Variants in PXDNL observed in about 807,000 individuals in gnomAD.
The protein encoded by PXDNL is peroxidasin like.
A neutral mutation model predicts 150.8 loss-of-function variants in PXDNL; 145 were observed. The observed-to-expected ratio is 0.96, with a 90% confidence interval of 0.84 to 1.10. The LOEUF (loss-of-function observed/expected upper bound fraction) is 1.10. Ranked by LOEUF, PXDNL falls within the 50% of genes least tolerant of loss-of-function variation. PXDNL has a pLI of 0.00. For missense variants in PXDNL, 2,087 were observed against 1,873.9 expected (o/e 1.11, Z -2.10); for synonymous variants, 757 against 725.7 (o/e 1.04, Z -0.69).
intron 17 of PXDNL, among the ~76,000 whole-genome samples, chr8:51,381,807 C>T (rs1212337740): frequency 6.6e-6 from 1 of 150,874 alleles, no homozygotes; most frequent in Non-Finnish European, 1.5e-5. Context: ...CACCCGTCCC[C>T]ACGCCCAGCT....
At chr8:51,733,812 AATAT>A (rs9298461) in intron 1 of PXDNL, among the ~76,000 whole-genome samples, 95 of 138,210 alleles carry the variant, frequency 6.9e-4, no homozygotes, top group African/African-American at 1.4e-3. Context: ...TGTCTCAAAT[AATAT>A]ATATATATAT....
chr8:51,654,850 A>G (rs1002237198), intron 1 of PXDNL, 90 bp from the exon 2 acceptor site: 1 of 924,686 alleles, frequency 1.1e-6, no homozygotes, highest in African/African-American at 1.6e-5. Context: ...ATCTCCTTTT[A>G]TGATCAAACA....
chr8:51,408,072 C>G lies in PXDNL; in HGVS notation c.3552G>C (p.Leu1184=), dbSNP rs1275167714. The change falls in exon 17 of 23, where the codon CTG becomes CTC. Residue 1184 remains leucine (L), a synonymous_variant. Coordinates refer to ENST00000356297, the MANE Select transcript of PXDNL (RefSeq NM_144651.5). Reference sequence around the variant, plus strand: ...GGCAGCATTTGCATACTTACTTTCTCAGTTTTTGTCTAATCTCTGAATCTT... The same window carrying G: ...GGCAGCATTTGCATACTTACTTTCTGAGTTTTTGTCTAATCTCTGAATCTT... The part of the protein sequence containing the change: ...EIKDSEIRQK[L]RKLYGSPGDI... 5 of 1,599,526 alleles carry G rather than the reference C, an allele frequency of 3.1e-6. No homozygotes were observed. Among genetic ancestry groups the G allele is most frequent in the Admixed American group, 1.8e-5 (1 of 56,946 alleles).
chr8:51,425,420 A>G (rs375614927), intron 13 of PXDNL, among the ~76,000 whole-genome samples: 2 of 152,236 alleles, frequency 1.3e-5, no homozygotes, highest in Non-Finnish European at 2.9e-5. Context: ...ATAATGATGC[A>G]TGTCGTACAG....
chr8:51,533,612 G>C (rs1475118576), intron 4 of PXDNL, among the ~76,000 whole-genome samples: 3 of 149,422 alleles, frequency 2.0e-5, no homozygotes, highest in Non-Finnish European at 3.0e-5. Flanking sequence ...TCCTGCCTCA[G>C]CCTGCCGAGT....
intron 1 of PXDNL, among the ~76,000 whole-genome samples, chr8:51,779,205 C>T (rs745638590): frequency 2.6e-5 from 4 of 152,198 alleles, no homozygotes; most frequent in Non-Finnish European, 5.9e-5. Context: ...TACACAAGCT[C>T]TGTGTGATTA....
chr8:51,413,121 G>A, intron 15 of PXDNL, 29 bp downstream of exon 15: 1 of 1,299,802 alleles, frequency 7.7e-7, no homozygotes, highest in Non-Finnish European at 1.1e-6. Context: ...TGAAAACAAG[G>A]TTTCAATCTG....
rs190941308 is a variant in PXDNL at position 51,333,268 on chromosome 8, A to G, written c.4146+6356T>C. On this transcript the variant is annotated intron_variant, in intron 21 of 22. Transcript: ENST00000356297. ...ACATATATGAAGGAAAGATACAGTC[A>G]TTTTCAGGCAAACAAATGCTGAATT... Among the ~76,000 whole-genome samples the G allele has an allele frequency of 6.5e-3, 945 of 145,876 alleles. 6 individuals carry two copies. The highest frequency in any genetic ancestry group is 0.011 in the Non-Finnish European group (735 of 66,168).
chr8:51,585,704 C>T (rs1269303332), intron 3 of PXDNL, among the ~76,000 whole-genome samples: 2 of 152,094 alleles, frequency 1.3e-5, no homozygotes, highest in Non-Finnish European at 2.9e-5. Context: ...TGATTCGGTC[C>T]TTGTCAAACT....
intron 1 of PXDNL, among the ~76,000 whole-genome samples, chr8:51,764,945 T>G (rs2037211469): frequency 6.6e-6 from 1 of 152,234 alleles, no homozygotes; most frequent in African/African-American, 2.4e-5. Context: ...TAATCTGTTT[T>G]TGTTGCATGT....
At chr8:51,494,930 C>G (rs1157986070) in intron 5 of PXDNL, among the ~76,000 whole-genome samples, 1 of 151,990 alleles carries the variant, frequency 6.6e-6, no homozygotes, top group Non-Finnish European at 1.5e-5. Context: ...CCAAGCAGAC[C>G]TAATAGACAT....
intron 9 of PXDNL, among the ~76,000 whole-genome samples, chr8:51,454,125 G>C (rs1335387996): frequency 6.6e-6 from 1 of 152,022 alleles, no homozygotes; most frequent in Non-Finnish European, 1.5e-5. Context: ...TTTAAACACA[G>C]TTTAGGCACA....
chr8:51,367,748 A>G (rs1806965751), intron 19 of PXDNL, among the ~76,000 whole-genome samples: 1 of 152,224 alleles, frequency 6.6e-6, no homozygotes, highest in Non-Finnish European at 1.5e-5. Flanking sequence ...ACGACAATGG[A>G]TTTAGTTAAG....
chr8:51,438,421 A>T (rs1277721138), intron 12 of PXDNL, among the ~76,000 whole-genome samples: 1 of 152,226 alleles, frequency 6.6e-6, no homozygotes, highest in Non-Finnish European at 1.5e-5. Flanking sequence ...CTATACTATA[A>T]GGTCATAGTC....
chr8:51,397,929 C>T (rs548536804), intron 17 of PXDNL, among the ~76,000 whole-genome samples: 7 of 151,970 alleles, frequency 4.6e-5, no homozygotes, highest in African/African-American at 9.7e-5. Context: ...CAACAGGCCC[C>T]GGTGTGAAGA....
At position 51,535,025 on chromosome 8, in the gene PXDNL, G is replaced by A. The variant is rs1304101634; in HGVS notation, c.380+21815C>T. Among the ~76,000 whole-genome samples the A allele has an allele frequency of 2.6e-5, 3 of 116,838 alleles. No individual in the cohort carries two copies. The South Asian group carries it at 8.4e-4, about 33-fold the overall frequency. The allele number at this position is 116,838 out of a possible 152,430, so 76.7% of individuals were successfully genotyped here. On this transcript the variant is annotated intron_variant, in intron 4 of 22. Transcript: ENST00000356297. ...TATCCAGGAGGTGAGGGGCACCTCT[G>A]CCCGGCCGCCCCTACTGGGAAGTGA... is the stretch of plus-strand genomic sequence containing the variant.
intron 2 of PXDNL, among the ~76,000 whole-genome samples, chr8:51,620,141 A>G (rs1186080884): frequency 2.0e-5 from 3 of 152,220 alleles, no homozygotes; most frequent in Non-Finnish European, 4.4e-5. Context: ...GAACACCTGA[A>G]AATATAGTTT....
At chr8:51,523,951 GA>G (rs1811713647) in intron 4 of PXDNL, among the ~76,000 whole-genome samples, 1 of 152,176 alleles carries the variant, frequency 6.6e-6, no homozygotes, top group African/African-American at 2.4e-5. Context: ...GACCGATGGG[GA>G]AAAAAGTTAG....
intron 3 of PXDNL, among the ~76,000 whole-genome samples, chr8:51,575,650 G>A (rs1813035756): frequency 6.6e-6 from 1 of 152,202 alleles, no homozygotes. Context: ...GGAAGGTGGA[G>A]GTTGCAGTGA....
Sources: gnomAD v4.1 joint callset for allele counts (sites outside exome capture counted in the v4.1 genomes callset) on GRCh38, gnomAD v4.1.1 for gene constraint, MANE v1.5 for transcripts, NCBI Gene and HGNC (gene_info 2026-07-23, HGNC 2026-07-21) for gene names.